The following TMPRSS9 variants were observed in gnomAD, a reference collection of about 807,000 sequenced individuals.
The protein encoded by TMPRSS9 is transmembrane serine protease 9.
Under a neutral mutation model 111.4 loss-of-function variants are expected in TMPRSS9, and 113 were observed. The observed-to-expected ratio is 1.01, with a 90% CI of 0.87 to 1.19. TMPRSS9 has a LOEUF of 1.19. Among genes scored for constraint, TMPRSS9 ranks in the 50% most tolerant of loss-of-function variants. TMPRSS9 has a pLI of 0.00. For synonymous variants in TMPRSS9, 805 were observed against 659.1 expected (o/e 1.22, Z -3.39); for missense variants, 1,803 against 1,513.1 (o/e 1.19, Z -3.18).
rs370180023 is a variant in TMPRSS9, at chr19:2,401,935, G to A, written c.515-40G>A. 115 of 1,594,942 alleles carry A rather than the reference G, an allele frequency of 7.2e-5. No individual in the cohort carries two copies. In the East Asian group the frequency reaches 1.2e-3, roughly 17 times the overall value. On this transcript the variant is annotated intron_variant, in intron 4 of 17. Coordinates refer to ENST00000648592, the Ensembl canonical transcript of TMPRSS9. Reference sequence around the variant, plus strand: ...TAGGATGTGTTCAAAGGGTTTTACCGCTTATTCAGTGAGCTTCTATCTTCT... The same window carrying A: ...TAGGATGTGTTCAAAGGGTTTTACCACTTATTCAGTGAGCTTCTATCTTCT...
intron 1 of TMPRSS9, among the ~76,000 whole-genome samples, chr19:2,393,150 G>A (rs571380449): frequency 6.6e-6 from 1 of 152,132 alleles, no homozygotes; most frequent in Non-Finnish European, 1.5e-5. Flanking sequence ...AGCCAGCAGC[G>A]GCAACCGGCT....
exon 14 of TMPRSS9, chr19:2,422,104 C>T: frequency 6.2e-7 from 1 of 1,605,152 alleles, no homozygotes; most frequent in Middle Eastern, 1.7e-4. Flanking sequence ...CCGGGGGCCA[C>T]ACCCAGCAGA....
At chr19:2,406,713 G>A (rs527887152) in intron 7 of TMPRSS9, among the ~76,000 whole-genome samples, 21 of 151,872 alleles carry the variant, frequency 1.4e-4, no homozygotes, top group African/African-American at 4.6e-4. Context: ...TGGATTTCTC[G>A]GTGACCAATG....
rs749385990 is a variant in TMPRSS9 at position 2,425,947 on chromosome 19, G to A, written c.3141G>A (p.Leu1047=). The change falls in exon 18 of 18, where the codon CTG becomes CTA. Residue 1047 remains leucine (L), a synonymous_variant. Transcript: ENST00000648592. The stretch of plus-strand genomic sequence containing the variant: ...AACAGGGTGACGCTGGGGGACCCCT[G>A]GCCTGCAGGGAGCCCTCTGGACGGT... The A allele has an allele frequency of 3.1e-6, 5 of 1,601,338 alleles. No homozygotes were observed. In the South Asian group the frequency reaches 4.5e-5, roughly 14 times the overall value.
chr19:2,385,969 G>T (rs1970467045), upstream of TMPRSS9, among the ~76,000 whole-genome samples: 1 of 152,168 alleles, frequency 6.6e-6, no homozygotes, highest in African/African-American at 2.4e-5. Flanking sequence ...ACTAGAGACT[G>T]GGTGTTGCTC....
At chr19:2,362,092 G>A (rs1970204014) in intron 1 of TMPRSS9, among the ~76,000 whole-genome samples, 1 of 152,038 alleles carries the variant, frequency 6.6e-6, no homozygotes, top group Admixed American at 6.6e-5. Context: ...GTGTGTGATT[G>A]TGTATTATAT....
chr19:2,370,294 G>C (rs1215093197), intron 1 of TMPRSS9, among the ~76,000 whole-genome samples: 1 of 151,742 alleles, frequency 6.6e-6, no homozygotes, highest in Non-Finnish European at 1.5e-5. Flanking sequence ...AGTGGCGGGA[G>C]CCTGTAGTCC....
chr19:2,406,193 T>G (rs1237795581), intron 7 of TMPRSS9, among the ~76,000 whole-genome samples: 1 of 150,828 alleles, frequency 6.6e-6, no homozygotes, highest in African/African-American at 2.4e-5. Context: ...TTTTTTTTTG[T>G]ATTTTTAGTA....
chr19:2,424,248 G>A (rs1253426431), exon 15 of TMPRSS9: 3 of 1,388,006 alleles, frequency 2.2e-6, no homozygotes, highest in Non-Finnish European at 2.8e-6. Flanking sequence ...GCGGCGCACT[G>A]CTTCGACGTG....
chr19:2,369,597 ATTTTT>A (rs71178266), intron 1 of TMPRSS9, among the ~76,000 whole-genome samples: 2 of 110,382 alleles, frequency 1.8e-5, no homozygotes, highest in Non-Finnish European at 1.8e-5. Flanking sequence ...CTAATTTGTA[ATTTTT>A]TTTTTTTTTT....
intron 1 of TMPRSS9, among the ~76,000 whole-genome samples, chr19:2,391,309 A>G (rs988950878): frequency 1.3e-5 from 2 of 149,706 alleles, no homozygotes; most frequent in Non-Finnish European, 3.0e-5. Context: ...TTGGGGAGAA[A>G]TGCTCTCGTG....
chr19:2,362,888 G>T (rs1568463955), intron 1 of TMPRSS9, among the ~76,000 whole-genome samples: 2 of 151,788 alleles, frequency 1.3e-5, no homozygotes, highest in East Asian at 3.9e-4. Context: ...GTGTGGTTGT[G>T]TTTGGTTGTG....
At position 2,398,492 on chromosome 19, in the gene TMPRSS9, C is replaced by A. The variant is rs1970755892; in HGVS notation, c.271-303C>A. Reference sequence around the variant, plus strand: ...AATTAGTTGGGCATGGTGGCGGGCACCTGTAATCCCAGCTTCTTGGGAGGC... The same window carrying A: ...AATTAGTTGGGCATGGTGGCGGGCAACTGTAATCCCAGCTTCTTGGGAGGC... On this transcript the variant is annotated intron_variant, in intron 2 of 17. Transcript: ENST00000648592. Among the ~76,000 whole-genome samples the A allele has an allele frequency of 2.0e-5, 3 of 151,778 alleles. No individual in the cohort carries two copies. In the South Asian group the frequency reaches 6.2e-4, roughly 32 times the overall value.
At chr19:2,424,579 T>G (rs1054031742) in intron 15 of TMPRSS9, among the ~76,000 whole-genome samples, 1 of 145,244 alleles carries the variant, frequency 6.9e-6, no homozygotes, top group Non-Finnish European at 1.5e-5. Flanking sequence ...AACATTGGGG[T>G]CACTTCTTTC....
chr19:2,422,457 T>C (rs779106406), intron 14 of TMPRSS9, among the ~76,000 whole-genome samples: 1 of 152,090 alleles, frequency 6.6e-6, no homozygotes, highest in African/African-American at 2.4e-5. Flanking sequence ...GGTGGGCGCC[T>C]GTAGTCCCAA....
intron 1 of TMPRSS9, among the ~76,000 whole-genome samples, chr19:2,383,407 T>C (rs1414836185): frequency 1.3e-5 from 2 of 150,984 alleles, no homozygotes; most frequent in African/African-American, 4.9e-5. Flanking sequence ...TTCTCAGCAC[T>C]TTGAGAGGCT....
chr19:2,403,173 T>C (rs1398474093), exon 6 of TMPRSS9: 3 of 1,610,580 alleles, frequency 1.9e-6, no homozygotes, highest in Non-Finnish European at 2.5e-6. Flanking sequence ...ACTGCTCCGA[T>C]GGGTCCGACG....
upstream of TMPRSS9, among the ~76,000 whole-genome samples, chr19:2,385,340 T>C (rs1021923970): frequency 1.5e-4 from 23 of 152,090 alleles, no homozygotes; most frequent in Admixed American, 4.6e-4. Context: ...CCAGTTCTGC[T>C]TAGGGATCCA....
At position 2,398,019 on chromosome 19, in the gene TMPRSS9, G is replaced by A. The variant is rs371006954; in HGVS notation, c.271-776G>A. On this transcript the variant is annotated intron_variant, in intron 2 of 17. Coordinates refer to ENST00000648592, the Ensembl canonical transcript of TMPRSS9. ...CCACCTCAGCCTCCCGAGTAGCTGGGAGTGCAGGCACACACCACCATGCCC... is the reference window on the plus strand; with the variant it reads ...CCACCTCAGCCTCCCGAGTAGCTGGAAGTGCAGGCACACACCACCATGCCC... Among the ~76,000 whole-genome samples the A allele has an allele frequency of 4.1e-4, 62 of 150,288 alleles. 2 individuals are homozygous for A. In the South Asian group the frequency reaches 0.013, roughly 32 times the overall value.
Sources: gnomAD v4.1 joint callset for allele counts (sites outside exome capture counted in the v4.1 genomes callset) on GRCh38, gnomAD v4.1.1 for gene constraint, MANE v1.5 for transcripts, NCBI Gene and HGNC (gene_info 2026-07-23, HGNC 2026-07-21) for gene names.